The following FCHO2 variants were observed in gnomAD, a reference collection of about 807,000 sequenced individuals.
The protein encoded by FCHO2 is F-BAR domain only protein 2.
In FCHO2, 43 loss-of-function variants were observed where a neutral mutation model predicts 114.1. That is an observed-to-expected ratio of 0.38 (90% CI 0.30 to 0.49). The LOEUF (loss-of-function observed/expected upper bound fraction) is 0.49, where lower values mean the gene tolerates loss of function less well. Among genes scored for constraint, FCHO2 ranks in the 20% least tolerant of loss-of-function variants. FCHO2 has a pLI of 0.97. For synonymous variants in FCHO2, 293 were observed against 315.2 expected (o/e 0.93, Z 0.75); for missense variants, 807 against 950.4 (o/e 0.85, Z 1.98).
intron 17 of FCHO2, 45 bp from the exon 18 acceptor site, chr5:73,063,796 A>G: frequency 2.0e-6 from 3 of 1,525,210 alleles, no homozygotes; most frequent in Non-Finnish European, 2.7e-6. Context: ...AAGGATTGCT[A>G]CATACTAATG....
chr5:73,049,506 A>T, intron 11 of FCHO2, among the ~76,000 whole-genome samples: 1 of 151,604 alleles, frequency 6.6e-6, no homozygotes, highest in Non-Finnish European at 1.5e-5. Context: ...TTTATCTCAC[A>T]TATTTGTGAT....
intron 17 of FCHO2, among the ~76,000 whole-genome samples, chr5:73,060,374 C>T (rs1757798853): frequency 6.6e-6 from 1 of 152,014 alleles, no homozygotes; most frequent in South Asian, 2.1e-4. Context: ...ATAGTAGTTA[C>T]TATTAAGTCT....
chr5:73,037,074 GTATCCATAAGTTTAATATGTT>G (rs1756548094), intron 9 of FCHO2, 48 bp from the exon 10 acceptor site: 3 of 1,064,500 alleles, frequency 2.8e-6, no homozygotes, highest in South Asian at 3.5e-5. Flanking sequence ...GATGCAAGAT[GTATCCATAAGTTTAATATGTT>G]TATCAGGAAT....
chr5:73,036,549 A>G (rs1407597319), intron 9 of FCHO2, among the ~76,000 whole-genome samples: 2 of 150,730 alleles, frequency 1.3e-5, no homozygotes, highest in Non-Finnish European at 3.0e-5. Flanking sequence ...AATCTTTTGT[A>G]TTTTTTTGTA....
intron 10 of FCHO2, among the ~76,000 whole-genome samples, chr5:73,039,145 A>C (rs778113989): frequency 3.3e-5 from 5 of 152,198 alleles, no homozygotes; most frequent in African/African-American, 4.8e-5. Context: ...CCTTCTTTCA[A>C]ACTTCTTGGC....
intron 1 of FCHO2, among the ~76,000 whole-genome samples, chr5:72,962,011 T>C (rs1255632425): frequency 3.3e-5 from 5 of 152,208 alleles, no homozygotes; most frequent in Admixed American, 6.5e-5. Flanking sequence ...CTTGTTCCCA[T>C]TGCAACAAGC....
intron 11 of FCHO2, among the ~76,000 whole-genome samples, chr5:73,045,615 G>T (rs938540926): frequency 2.6e-5 from 4 of 152,124 alleles, no homozygotes; most frequent in Non-Finnish European, 2.9e-5. Flanking sequence ...CCCTGATAAT[G>T]TTCTTTATGA....
intron 1 of FCHO2, among the ~76,000 whole-genome samples, chr5:72,958,519 A>G (rs187918728): frequency 4.6e-5 from 7 of 152,124 alleles, no homozygotes; most frequent in South Asian, 2.1e-4. Flanking sequence ...TGTATTTTCA[A>G]TTCTATTCCA....
chr5:73,056,177 A>C (rs1757584263), intron 16 of FCHO2, 70 bp downstream of exon 16: 1 of 1,193,560 alleles, frequency 8.4e-7, no homozygotes, highest in Non-Finnish European at 1.2e-6. Flanking sequence ...ATTTATGGCA[A>C]AATTGAATGG....
chr5:72,997,621 C>A, intron 5 of FCHO2: 2 of 1,435,460 alleles, frequency 1.4e-6, no homozygotes, highest in Non-Finnish European at 2.0e-6. Context: ...TGAGCCGCAA[C>A]CTTCACCAGT....
chr5:72,960,921 G>A (rs946962362), intron 1 of FCHO2, among the ~76,000 whole-genome samples: 3 of 152,080 alleles, frequency 2.0e-5, no homozygotes, highest in Non-Finnish European at 4.4e-5. Flanking sequence ...GAGATTTTTA[G>A]TTAGGTGACT....
Position 73,017,237 on chromosome 5 carries a change from T to C in FCHO2, c.725T>C (p.Met242Thr), listed in dbSNP as rs1213229031. ...GTCCATGAAGAATTTATAAATAACA[T>C]GGCTAATACTACAGTTGAAAGTTTG... is the stretch of plus-strand genomic sequence containing the variant. Reference protein sequence around the residue: ...GQVHEEFINNMANTTVESLIQ... With the variant: ...GQVHEEFINNTANTTVESLIQ... The change falls in exon 8 of 26, where the codon ATG becomes ACG. Residue 242 changes from methionine to threonine, a missense_variant. By Grantham distance (81) the Met-to-Thr change is moderately conservative (BLOSUM62 -1). Transcript: ENST00000430046. 1 of 1,548,964 alleles carries C rather than the reference T, an allele frequency of 6.5e-7. No individual in the cohort carries two copies. The highest frequency in any genetic ancestry group is 1.4e-5 in the African/African-American group (1 of 73,002).
intron 1 of FCHO2, among the ~76,000 whole-genome samples, chr5:72,961,323 ATTAGT>A (rs1751848987): frequency 6.6e-6 from 1 of 152,136 alleles, no homozygotes; most frequent in Non-Finnish European, 1.5e-5. Context: ...TCTTTAGCAA[ATTAGT>A]TTAGGTGACC....
chr5:73,036,226 T>C (rs1459311967), intron 9 of FCHO2, among the ~76,000 whole-genome samples: 1 of 152,150 alleles, frequency 6.6e-6, no homozygotes, highest in Non-Finnish European at 1.5e-5. Flanking sequence ...GGATGCCTTA[T>C]TAGGAAAATC....
At chr5:73,006,193 A>C (rs1316219592) in intron 5 of FCHO2, among the ~76,000 whole-genome samples, 1 of 152,126 alleles carries the variant, frequency 6.6e-6, no homozygotes, top group Non-Finnish European at 1.5e-5. Context: ...TTAAAATGAG[A>C]GTATTTTAAC....
intron 7 of FCHO2, among the ~76,000 whole-genome samples, chr5:73,016,075 A>G (rs954585085): frequency 6.6e-6 from 1 of 152,132 alleles, no homozygotes; most frequent in Non-Finnish European, 1.5e-5. Context: ...TTTTACTTAG[A>G]AGTGTTCCAC....
At chr5:73,006,414 G>C (rs923616204) in intron 5 of FCHO2, 31 bp from the exon 6 acceptor site, 19 of 1,380,442 alleles carry the variant, frequency 1.4e-5, no homozygotes, top group Non-Finnish European at 1.5e-5. Context: ...TCAATGCACA[G>C]TTAAAAGTTT....
At chr5:72,999,828 A>T (rs1036016773) in intron 5 of FCHO2, among the ~76,000 whole-genome samples, 3 of 152,186 alleles carry the variant, frequency 2.0e-5, no homozygotes, top group Admixed American at 6.5e-5. Context: ...GTAGTATATT[A>T]ATTTATAATG....
At chr5:72,989,542 A>G in intron 3 of FCHO2, 41 bp downstream of exon 3, 2 of 1,514,350 alleles carry the variant, frequency 1.3e-6, no homozygotes, top group Non-Finnish European at 1.8e-6. Flanking sequence ...TTATTTAGGC[A>G]AAGTTCTTAA....
Sources: gnomAD v4.1 joint callset for allele counts (sites outside exome capture counted in the v4.1 genomes callset) on GRCh38, gnomAD v4.1.1 for gene constraint, MANE v1.5 for transcripts, NCBI Gene and HGNC (gene_info 2026-07-23, HGNC 2026-07-21) for gene names.